Variants in UNC79 observed in about 807,000 individuals in gnomAD.
The protein encoded by UNC79 is protein unc-79 homolog.
In UNC79, 37 loss-of-function variants were observed where a neutral mutation model predicts 283.1. The ratio of observed to expected loss-of-function variants is 0.13; its 90% CI spans 0.10 to 0.17. The LOEUF is 0.17. Among genes scored for constraint, UNC79 ranks in the 10% least tolerant of loss-of-function variants. The pLI is 1.00. For missense variants in UNC79, 2,272 were observed against 3,211.1 expected (o/e 0.71, Z 7.07); for synonymous variants, 1,107 against 1,200.2 (o/e 0.92, Z 1.61).
At chr14:93,613,650 G>C (rs1392760976) in intron 27 of UNC79, among the ~76,000 whole-genome samples, 7 of 152,028 alleles carry the variant, frequency 4.6e-5, no homozygotes, top group African/African-American at 9.7e-5. Flanking sequence ...TCCTGACCTC[G>C]TGATCCGCCC....
intron 48 of UNC79, 101 bp downstream of exon 51, chr14:93,704,767 A>G: frequency 2.8e-6 from 4 of 1,433,770 alleles, no homozygotes; most frequent in Non-Finnish European, 3.9e-6. Flanking sequence ...AGAAGGATGA[A>G]TTCAACCTGC....
intron 1 of UNC79, among the ~76,000 whole-genome samples, chr14:93,464,117 C>G (rs2057064303): frequency 6.6e-6 from 1 of 152,138 alleles, no homozygotes; most frequent in Non-Finnish European, 1.5e-5. Context: ...CCACTGCACT[C>G]CAGCCTGGGT....
At chr14:93,442,234 T>C (rs1337786633) in intron 1 of UNC79, among the ~76,000 whole-genome samples, 1 of 152,130 alleles carries the variant, frequency 6.6e-6, no homozygotes, top group Admixed American at 6.6e-5. Context: ...GTTTTTTTAA[T>C]TTTAGGAAAT....
intron 1 of UNC79, among the ~76,000 whole-genome samples, chr14:93,357,692 TATA>T (rs1289251682): frequency 8.8e-6 from 1 of 114,250 alleles, no homozygotes; most frequent in African/African-American, 4.4e-5. Flanking sequence ...TATATATATA[TATA>T]TATATATATA....
intron 33 of UNC79, among the ~76,000 whole-genome samples, chr14:93,643,105 A>C (rs938127452): frequency 2.0e-5 from 3 of 152,214 alleles, no homozygotes; most frequent in Non-Finnish European, 4.4e-5. Flanking sequence ...CCTGTCTCTT[A>C]CCCACAAATA....
Position 93,617,314 on chromosome 14 carries a change from G to A in UNC79, c.4224+10G>A, listed in dbSNP as rs1566785764. 1.2e-6 allele frequency: 2 copies of A among 1,613,578 alleles called. No homozygotes were observed. The highest frequency in any genetic ancestry group is 1.7e-6 in the Non-Finnish European group (2 of 1,179,690). The stretch of plus-strand genomic sequence containing the variant: ...TGTCATCCTTTACAAGGTGAGCTGG[G>A]TGGTCACTGCTGTTTTGGATGCAAT... On this transcript the variant is annotated intron_variant, in intron 28 of 48. Coordinates refer to ENST00000555664, the Ensembl canonical transcript of UNC79. This position sits in a 1 kb window ranked among gnomAD's most constrained non-coding sequence, Gnocchi z 4.5.
In UNC79 at chr14:93,483,729, G is replaced by C. The variant is rs183782188; in HGVS notation, c.620-3934G>C. On this transcript the variant is annotated intron_variant, in intron 4 of 48. Transcript: ENST00000555664. ...GAGAGGCCCCTGTGTGTGATGTTCCGCATCCTGGGTCCAGGTGTTCTCAGT... is the reference window on the plus strand; with the variant it reads ...GAGAGGCCCCTGTGTGTGATGTTCCCCATCCTGGGTCCAGGTGTTCTCAGT... 4.7e-3 allele frequency among the ~76,000 whole-genome samples: 640 copies of C among 135,378 alleles called. 7 individuals are homozygous for C. The highest frequency in any genetic ancestry group is 0.017 in the African/African-American group (616 of 35,442). The allele number at this position is 135,378 out of a possible 152,430, so 88.8% of individuals were successfully genotyped here.
intron 1 of UNC79, among the ~76,000 whole-genome samples, chr14:93,464,034 A>G (rs2057060177): frequency 2.0e-5 from 3 of 152,130 alleles, no homozygotes; most frequent in African/African-American, 7.2e-5. Context: ...CTGTAGTCCC[A>G]GCTACTTGGG....
intron 1 of UNC79, among the ~76,000 whole-genome samples, chr14:93,379,529 A>T (rs888682519): frequency 3.3e-5 from 5 of 152,162 alleles, no homozygotes; most frequent in African/African-American, 1.2e-4. Flanking sequence ...TATATTTCAG[A>T]CTTTAATAAA....
chr14:93,602,201 T>G (rs534004936), intron 25 of UNC79, among the ~76,000 whole-genome samples: 1 of 152,354 alleles, frequency 6.6e-6, no homozygotes, highest in African/African-American at 2.4e-5. Context: ...GAAGAGTTTT[T>G]CTGATGTTGT....
chr14:93,477,836 G>T, intron 4 of UNC79, 108 bp downstream of exon 4: 1 of 1,031,932 alleles, frequency 9.7e-7, no homozygotes, highest in East Asian at 2.5e-5. Flanking sequence ...GGAATCACTT[G>T]ATATATACAG....
At chr14:93,344,326 C>T (rs2053778217) in intron 1 of UNC79, among the ~76,000 whole-genome samples, 1 of 152,058 alleles carries the variant, frequency 6.6e-6, no homozygotes, top group Non-Finnish European at 1.5e-5. Context: ...TTGTTGTTAG[C>T]AATAGAAATG....
At chr14:93,446,451 A>G (rs1439930847) in intron 1 of UNC79, among the ~76,000 whole-genome samples, 1 of 148,970 alleles carries the variant, frequency 6.7e-6, no homozygotes, top group Non-Finnish European at 1.5e-5. Flanking sequence ...GCTGGAGTGC[A>G]GTGGCACGAT....
chr14:93,540,190 A>G (rs1383473571), intron 12 of UNC79, among the ~76,000 whole-genome samples: 1 of 152,238 alleles, frequency 6.6e-6, no homozygotes, highest in East Asian at 1.9e-4. Context: ...TAGCAAACGG[A>G]AAAAAGAATT....
intron 44 of UNC79, chr14:93,689,546 G>A (rs1446102159): frequency 6.9e-6 from 1 of 145,220 alleles, no homozygotes; most frequent in Non-Finnish European, 1.5e-5. Context: ...CTGGAGTGCA[G>A]TGGCACCATC....
chr14:93,665,993 G>GTTAGTCAGATAGGCATAAAAACAAAATT (rs2072160297), intron 40 of UNC79, among the ~76,000 whole-genome samples: 1 of 151,920 alleles, frequency 6.6e-6, no homozygotes, highest in African/African-American at 2.4e-5. Flanking sequence ...TAATAATAAT[G>GTTAGTCAGATAGGCATAAAAACAAAATT]TTAGTCAGAT....
At chr14:93,355,808 G>A (rs928013503) in intron 1 of UNC79, among the ~76,000 whole-genome samples, 1 of 152,034 alleles carries the variant, frequency 6.6e-6, no homozygotes, top group Non-Finnish European at 1.5e-5. Flanking sequence ...TTTTCAGATT[G>A]CCTGCAGCCT....
At chr14:93,383,033 G>A (rs1202150991) in intron 1 of UNC79, among the ~76,000 whole-genome samples, 3 of 152,192 alleles carry the variant, frequency 2.0e-5, no homozygotes, top group African/African-American at 7.2e-5. Flanking sequence ...AAAGGCTAAA[G>A]AAAGAATATT....
chr14:93,662,770 T>C lies in UNC79; in HGVS notation c.6636+56T>C. On this transcript the variant is annotated intron_variant, in intron 40 of 48. Coordinates refer to ENST00000555664, the Ensembl canonical transcript of UNC79. ...GAAACTGAAAACTGGCAGAAATATATTCTTTTGAATCAGTGTCAAGTCCCT... is the reference window on the plus strand; with the variant it reads ...GAAACTGAAAACTGGCAGAAATATACTCTTTTGAATCAGTGTCAAGTCCCT... The C allele has an allele frequency of 6.5e-6, 9 of 1,376,124 alleles. No homozygotes were observed. The South Asian group carries it at 1.0e-4, about 16-fold the overall frequency. The allele number at this position is 1,376,124 out of a possible 1,614,324, so 85.2% of individuals were successfully genotyped here.
Sources: allele counts gnomAD v4.1 joint callset (sites outside exome capture counted in the v4.1 genomes callset), GRCh38; gene constraint gnomAD v4.1.1; non-coding constraint Gnocchi (gnomAD v3.1); transcripts MANE v1.5; gene names NCBI Gene and HGNC (gene_info 2026-07-23, HGNC 2026-07-21).